SLC24A3: variants seen among roughly 807,000 people sequenced by gnomAD.
The protein encoded by SLC24A3 is sodium/potassium/calcium exchanger 3.
In SLC24A3, 28 loss-of-function variants were observed where a neutral mutation model predicts 75.8. That is an observed-to-expected ratio of 0.37 (90% CI 0.27 to 0.51). SLC24A3 has a LOEUF of 0.51. Among genes scored for constraint, SLC24A3 ranks in the 20% least tolerant of loss-of-function variants. SLC24A3 has a pLI of 0.94. For synonymous variants in SLC24A3, 372 were observed against 334.1 expected (o/e 1.11, Z -1.24); for missense variants, 663 against 847.8 (o/e 0.78, Z 2.71).
chr20:19,249,989 C>G (rs559750614), intron 1 of SLC24A3, among the ~76,000 whole-genome samples: 3 of 152,310 alleles, frequency 2.0e-5, no homozygotes, highest in Admixed American at 6.5e-5. Context: ...TTTGACTGAT[C>G]TGAAAGGCCA....
intron 15 of SLC24A3, among the ~76,000 whole-genome samples, chr20:19,713,533 C>T (rs1008311112): frequency 2.0e-5 from 3 of 152,156 alleles, no homozygotes; most frequent in African/African-American, 7.2e-5. Flanking sequence ...CATGGACATG[C>T]CTTATTCATT....
chr20:19,650,969 G>C (rs2032195972), intron 6 of SLC24A3, among the ~76,000 whole-genome samples: 1 of 152,040 alleles, frequency 6.6e-6, no homozygotes, highest in South Asian at 2.1e-4. Flanking sequence ...AGTCTGGCTA[G>C]GTTGTTCTCT....
In SLC24A3 at chr20:19,428,846, G is replaced by A. The variant is rs79038258; in HGVS notation, c.272-86642G>A. Among the ~76,000 whole-genome samples the A allele has an allele frequency of 8.9e-3, 1,351 of 152,286 alleles. 14 individuals carry two copies. Among genetic ancestry groups the A allele is most frequent in the African/African-American group, 0.027 (1,109 of 41,550 alleles). ...GTGGGTGTGAAGAGGCTTTATGCAAGTAATGCAGTCTACAAACATAAACTG... is the reference window on the plus strand; with the variant it reads ...GTGGGTGTGAAGAGGCTTTATGCAAATAATGCAGTCTACAAACATAAACTG... On this transcript the variant is annotated intron_variant, in intron 2 of 16. Transcript: ENST00000328041.
chr20:19,559,106 C>T (rs2030833594), intron 3 of SLC24A3, among the ~76,000 whole-genome samples: 1 of 152,164 alleles, frequency 6.6e-6, no homozygotes, highest in Non-Finnish European at 1.5e-5. Context: ...GAGGTTCCAG[C>T]TGCTCTATGC....
intron 8 of SLC24A3, among the ~76,000 whole-genome samples, chr20:19,672,469 G>A (rs1043532236): frequency 2.0e-5 from 3 of 152,146 alleles, no homozygotes; most frequent in South Asian, 2.1e-4. Context: ...CCATGTAGCC[G>A]AGACTCCAGG....
At chr20:19,256,768 CAAAAAA>C (rs11475395) in intron 1 of SLC24A3, among the ~76,000 whole-genome samples, 2 of 80,304 alleles carry the variant, frequency 2.5e-5, no homozygotes, top group Non-Finnish European at 2.9e-5. Context: ...GACGTTGTCT[CAAAAAA>C]AAAAAAAAAA....
At chr20:19,522,029 CAGT>C (rs2030108372) in intron 3 of SLC24A3, among the ~76,000 whole-genome samples, 1 of 152,158 alleles carries the variant, frequency 6.6e-6, no homozygotes, top group African/African-American at 2.4e-5. Context: ...CCCAGCTGTC[CAGT>C]AGTCTAAATC....
In SLC24A3 at chr20:19,310,503, C is replaced by T. The variant is rs201897731; in HGVS notation, c.271+29416C>T. The stretch of plus-strand genomic sequence containing the variant: ...AGAAATGAGAAGCTCAATATCAGGG[C>T]AGGAATTCCATGAGGACTGTCTATT... On this transcript the variant is annotated intron_variant, in intron 2 of 16. Transcript: ENST00000328041. Among the ~76,000 whole-genome samples, 3 of 152,302 alleles carry T rather than the reference C, an allele frequency of 2.0e-5. No homozygotes were observed. The East Asian group carries it at 5.8e-4, about 29-fold the overall frequency.
chr20:19,548,051 T>C (rs1237783502), intron 3 of SLC24A3, among the ~76,000 whole-genome samples: 1 of 152,232 alleles, frequency 6.6e-6, no homozygotes, highest in Non-Finnish European at 1.5e-5. Context: ...ATTAACATGG[T>C]CTTCTCAGTC....
intron 6 of SLC24A3, among the ~76,000 whole-genome samples, chr20:19,599,760 G>A (rs139012024): frequency 6.6e-6 from 1 of 152,292 alleles, no homozygotes; most frequent in East Asian, 1.9e-4. Context: ...CTGTGGTGCT[G>A]GGATGTTCTG....
intron 2 of SLC24A3, among the ~76,000 whole-genome samples, chr20:19,324,207 G>A (rs1984785890): frequency 6.6e-6 from 1 of 152,156 alleles, no homozygotes; most frequent in Non-Finnish European, 1.5e-5. Context: ...TGTTCACTGT[G>A]GCGGATGAGA....
intron 2 of SLC24A3, among the ~76,000 whole-genome samples, chr20:19,406,037 G>T (rs1193078654): frequency 3.3e-5 from 5 of 152,222 alleles, no homozygotes; most frequent in African/African-American, 1.2e-4. Flanking sequence ...ACTTGCTGGA[G>T]TCTTGGGCCT....
chr20:19,344,770 G>A (rs1985351139), intron 2 of SLC24A3, among the ~76,000 whole-genome samples: 1 of 152,192 alleles, frequency 6.6e-6, no homozygotes, highest in Non-Finnish European at 1.5e-5. Flanking sequence ...CATAATGGAT[G>A]GAGCCTGGTC....
At chr20:19,380,161 G>C (rs1986156700) in intron 2 of SLC24A3, among the ~76,000 whole-genome samples, 1 of 152,168 alleles carries the variant, frequency 6.6e-6, no homozygotes, top group South Asian at 2.1e-4. Flanking sequence ...CAGGTCTAGG[G>C]GTCAGGAGAG....
intron 1 of SLC24A3, chr20:19,265,933 G>T (rs1457562370): frequency 6.5e-6 from 1 of 153,174 alleles, no homozygotes; most frequent in Admixed American, 6.5e-5. Flanking sequence ...ATCTTTGCTG[G>T]TGGTGCAGTG....
In SLC24A3 at chr20:19,235,851, C is replaced by T. The variant is rs527909251; in HGVS notation, c.142+22867C>T. Among the ~76,000 whole-genome samples, 19 of 152,346 alleles carry T rather than the reference C, an allele frequency of 1.2e-4. No individual in the cohort carries two copies. The South Asian group carries it at 3.3e-3, about 27-fold the overall frequency. On this transcript the variant is annotated intron_variant, in intron 1 of 16. Transcript: ENST00000328041. Reference sequence around the variant, plus strand: ...TGCACCTGGAGCCTCCAGATTTCTGCTCCAGCCTACCTTGAAGATGAAGAG... The same window carrying T: ...TGCACCTGGAGCCTCCAGATTTCTGTTCCAGCCTACCTTGAAGATGAAGAG...
intron 1 of SLC24A3, among the ~76,000 whole-genome samples, chr20:19,230,664 G>GGA (rs1555782574): frequency 7.7e-6 from 1 of 130,052 alleles, no homozygotes; most frequent in Non-Finnish European, 1.7e-5. Context: ...ATATTGATGG[G>GGA]GGGGGTGCCC....
At chr20:19,428,578 G>A (rs921364905) in intron 2 of SLC24A3, among the ~76,000 whole-genome samples, 1 of 152,224 alleles carries the variant, frequency 6.6e-6, no homozygotes, top group African/African-American at 2.4e-5. Context: ...ACTGAGCAAA[G>A]TAAGCTACAG....
In SLC24A3 at chr20:19,613,270, G is replaced by A. The variant is rs74680552; in HGVS notation, c.612+27726G>A. Among the ~76,000 whole-genome samples the A allele has an allele frequency of 9.1e-3, 1,389 of 152,296 alleles. 30 individuals are homozygous for A. The highest frequency in any genetic ancestry group is 0.046 in the Admixed American group (705 of 15,302). ...GGATGTGAGCATTATGGGGCAGACA[G>A]CTTTATCAATTTTGTTTCTTGCTCT... On this transcript the variant is annotated intron_variant, in intron 6 of 16. Coordinates refer to ENST00000328041, the MANE Select transcript of SLC24A3 (RefSeq NM_020689.4).
Sources: gnomAD v4.1 joint callset for allele counts (sites outside exome capture counted in the v4.1 genomes callset) on GRCh38, gnomAD v4.1.1 for gene constraint, MANE v1.5 for transcripts, NCBI Gene and HGNC (gene_info 2026-07-23, HGNC 2026-07-21) for gene names.